The following HIVEP2 variants were observed in gnomAD, a reference collection of about 807,000 sequenced individuals.
HIVEP2 encodes HIVEP zinc finger 2, also known as transcription factor HIVEP2.
HIVEP2 carries 14 observed loss-of-function variants against 180.7 expected under a neutral mutation model. That is an observed-to-expected ratio of 0.08 (90% CI 0.05 to 0.12). The LOEUF is 0.12. HIVEP2 is among the 10% of genes least tolerant of loss of function. The pLI, the probability that HIVEP2 is intolerant of heterozygous loss-of-function variation, is 1.00. For missense variants in HIVEP2, 2,579 were observed against 3,008.5 expected (o/e 0.86, Z 3.34); for synonymous variants, 1,184 against 1,136.4 (o/e 1.04, Z -0.84).
chr6:142,753,755 A>G lies in HIVEP2; in HGVS notation c.6693T>C (p.Val2231=). The G allele has an allele frequency of 5.0e-6, 8 of 1,614,198 alleles. No individual in the cohort carries two copies. The highest frequency in any genetic ancestry group is 6.8e-6 in the Non-Finnish European group (8 of 1,180,028). The change falls in exon 10 of 10, where the codon GTT becomes GTC. Residue 2231 remains valine (V), a synonymous_variant. Transcript: ENST00000367603. ...TGGAGTGAACCATCTGGATCCCACC[A>G]ACGGGCACCATGGGGATAGGGGCTC... The part of the protein sequence containing the change: ...QVRAPIPMVP[V]GGIQMVHSMP...
intron 1 of HIVEP2, among the ~76,000 whole-genome samples, chr6:142,856,902 C>T (rs1047957503): frequency 7.9e-5 from 12 of 152,154 alleles, no homozygotes; most frequent in African/African-American, 1.7e-4. Context: ...CCTGGACTTC[C>T]GTGTAAGGTA....
At chr6:142,767,892 A>G (rs1775414375) in intron 6 of HIVEP2, among the ~76,000 whole-genome samples, 1 of 152,244 alleles carries the variant, frequency 6.6e-6, no homozygotes, top group Non-Finnish European at 1.5e-5. Flanking sequence ...ATCCTGGGAC[A>G]GAAAAGGATA....
intron 2 of HIVEP2, among the ~76,000 whole-genome samples, chr6:142,801,988 T>C (rs145849924): frequency 1.2e-3 from 189 of 152,290 alleles, no homozygotes; most frequent in East Asian, 3.9e-3. Flanking sequence ...GCCATATTAA[T>C]CTGTAGACTG....
chr6:142,940,793 A>C (rs1183461668), intron 1 of HIVEP2, among the ~76,000 whole-genome samples: 1 of 152,234 alleles, frequency 6.6e-6, no homozygotes. Context: ...ATAGAGGATT[A>C]AGATTATATG....
intron 7 of HIVEP2, among the ~76,000 whole-genome samples, chr6:142,762,042 A>G (rs62430680): frequency 0.15 from 23,401 of 152,168 alleles, 1,912 homozygotes; most frequent in Middle Eastern, 0.2. Flanking sequence ...GTAACCTCCA[A>G]GGATCTTCAC....
intron 1 of HIVEP2, among the ~76,000 whole-genome samples, chr6:142,894,709 G>A (rs1776939693): frequency 6.6e-6 from 1 of 152,120 alleles, no homozygotes; most frequent in Admixed American, 6.5e-5. Flanking sequence ...TCTATGGGTA[G>A]GCACTAATTT....
chr6:142,798,463 C>T (rs1195089081), intron 2 of HIVEP2, among the ~76,000 whole-genome samples: 2 of 152,112 alleles, frequency 1.3e-5, no homozygotes, highest in Admixed American at 6.6e-5. Context: ...CATACAAATG[C>T]TATAATTAAA....
intron 1 of HIVEP2, among the ~76,000 whole-genome samples, chr6:142,885,222 G>A (rs1562278474): frequency 6.6e-6 from 1 of 152,060 alleles, no homozygotes; most frequent in Non-Finnish European, 1.5e-5. Context: ...TTTAGGTCCA[G>A]GAAATGCACC....
At chr6:142,914,692 CACA>C (rs1428003632) in intron 1 of HIVEP2, among the ~76,000 whole-genome samples, 2 of 152,166 alleles carry the variant, frequency 1.3e-5, no homozygotes, top group African/African-American at 4.8e-5. Context: ...CAATTGAATG[CACA>C]ACCCAGCCTT....
At chr6:142,849,877 C>G (rs1162543720) in intron 1 of HIVEP2, among the ~76,000 whole-genome samples, 4 of 152,190 alleles carry the variant, frequency 2.6e-5, no homozygotes, top group Middle Eastern at 3.4e-3. Flanking sequence ...AAGGGTTGAA[C>G]TTTGGGAAAA....
chr6:142,753,892 G>T lies in HIVEP2; in HGVS notation c.6556C>A (p.Leu2186Ile). The T allele has an allele frequency of 6.2e-7, 1 of 1,610,860 alleles. No homozygotes were observed. The change falls in exon 10 of 10, where the codon CTC becomes ATC. Residue 2186 changes from leucine to isoleucine, a missense_variant. By Grantham distance (5) the Leu-to-Ile change is conservative. This residue lies in a region of HIVEP2 where 660 missense variants were observed against 731.7 expected (regional missense o/e 0.90). Transcript: ENST00000367603. ...RGLPQVPYFSLYGDQEGAYEH... is the reference protein window; with the variant it reads ...RGLPQVPYFSIYGDQEGAYEH... ...TAAGCACCTTCTTGGTCTCCATAGA[G>T]ACTGAAGTAAGGAACCTGAGGTAAT...
intron 7 of HIVEP2, among the ~76,000 whole-genome samples, chr6:142,762,477 C>T (rs1193381777): frequency 6.8e-6 from 1 of 147,506 alleles, no homozygotes; most frequent in Non-Finnish European, 1.5e-5. Flanking sequence ...CACACACACA[C>T]ACACACACAC....
intron 2 of HIVEP2, among the ~76,000 whole-genome samples, chr6:142,792,582 G>A (rs533821211): frequency 2.0e-5 from 3 of 152,222 alleles, no homozygotes; most frequent in East Asian, 3.9e-4. Context: ...CAAGGGGAGG[G>A]AGAGCATTAG....
chr6:142,839,542 T>C (rs1359243782), intron 1 of HIVEP2, among the ~76,000 whole-genome samples: 1 of 152,134 alleles, frequency 6.6e-6, no homozygotes, highest in Non-Finnish European at 1.5e-5. Flanking sequence ...AATTGGTTTG[T>C]TTCAGTTATT....
At chr6:142,889,896 A>C (rs1171942699) in intron 1 of HIVEP2, among the ~76,000 whole-genome samples, 1 of 152,216 alleles carries the variant, frequency 6.6e-6, no homozygotes, top group Non-Finnish European at 1.5e-5. Context: ...GGCTAGTATA[A>C]CTGAGAAACT....
chr6:142,898,346 A>G (rs1777050622), intron 1 of HIVEP2, among the ~76,000 whole-genome samples: 1 of 152,162 alleles, frequency 6.6e-6, no homozygotes, highest in African/African-American at 2.4e-5. Context: ...ACACATGACC[A>G]CAGATACAAT....
At chr6:142,818,434 T>C (rs1356217173) in intron 2 of HIVEP2, among the ~76,000 whole-genome samples, 1 of 152,118 alleles carries the variant, frequency 6.6e-6, no homozygotes, top group African/African-American at 2.4e-5. Context: ...CCCAGCACTT[T>C]GGGAGGCCAA....
chr6:142,920,801 G>A (rs1361228899), intron 1 of HIVEP2, among the ~76,000 whole-genome samples: 1 of 151,964 alleles, frequency 6.6e-6, no homozygotes, highest in East Asian at 1.9e-4. Flanking sequence ...AAGCAACATA[G>A]GGAGAACCCA....
chr6:142,840,984 C>T (rs1481249136), intron 1 of HIVEP2, among the ~76,000 whole-genome samples: 1 of 151,814 alleles, frequency 6.6e-6, no homozygotes, highest in African/African-American at 2.4e-5. Flanking sequence ...TAATGGTGAC[C>T]ATAATTATTC....
Sources: allele counts gnomAD v4.1 joint callset (sites outside exome capture counted in the v4.1 genomes callset), GRCh38; gene constraint gnomAD v4.1.1; regional missense constraint gnomAD v4.1.1; transcripts MANE v1.5; gene names NCBI Gene and HGNC (gene_info 2026-07-23, HGNC 2026-07-21).